TBC1D5: variants seen among roughly 807,000 people sequenced by gnomAD.
The protein encoded by TBC1D5 is TBC1 domain family member 5, also known as TBC1 domain family, member 5.
In TBC1D5, 75 loss-of-function variants were observed where a neutral mutation model predicts 100.3. That is an observed-to-expected ratio of 0.75 (90% CI 0.62 to 0.91). The LOEUF (loss-of-function observed/expected upper bound fraction) is 0.91, where lower values mean the gene tolerates loss of function less well. Among genes scored for constraint, TBC1D5 ranks in the 40% least tolerant of loss-of-function variants. The probability of loss-of-function intolerance (pLI) is 0.00; values close to 1 mark genes in which losing one functional copy is unlikely to be tolerated. For missense variants in TBC1D5, 910 were observed against 942.4 expected (o/e 0.97, Z 0.45); for synonymous variants, 323 against 325.6 (o/e 0.99, Z 0.09).
chr3:17,374,097 G>C (rs1575580605), intron 12 of TBC1D5, among the ~76,000 whole-genome samples: 1 of 152,058 alleles, frequency 6.6e-6, no homozygotes, highest in Non-Finnish European at 1.5e-5. Context: ...GAATTCAATA[G>C]CAACGCACTG....
At chr3:17,330,786 T>C (rs930466621) in intron 13 of TBC1D5, among the ~76,000 whole-genome samples, 2 of 152,166 alleles carry the variant, frequency 1.3e-5, no homozygotes, top group Non-Finnish European at 2.9e-5. Context: ...CTACAAGCAG[T>C]TGACACTCAA....
At chr3:17,672,630 G>C (rs1308006737) in intron 1 of TBC1D5, 1 of 152,142 alleles carries the variant, frequency 6.6e-6, no homozygotes, top group East Asian at 1.9e-4. Context: ...AGGAGTCAGA[G>C]GACATCTGTT....
intron 17 of TBC1D5, among the ~76,000 whole-genome samples, chr3:17,218,658 A>G (rs2073925637): frequency 6.6e-6 from 1 of 151,840 alleles, no homozygotes; most frequent in African/African-American, 2.4e-5. Flanking sequence ...TTCCTTTTTG[A>G]AGGATAGTTT....
intron 1 of TBC1D5, among the ~76,000 whole-genome samples, chr3:17,674,324 T>C (rs989921102): frequency 6.6e-6 from 1 of 152,184 alleles, no homozygotes; most frequent in Non-Finnish European, 1.5e-5. Context: ...AATTTGTACA[T>C]GAAAACAAAA....
At chr3:17,697,769 T>C (rs934990166) in intron 1 of TBC1D5, among the ~76,000 whole-genome samples, 4 of 151,472 alleles carry the variant, frequency 2.6e-5, no homozygotes, top group Admixed American at 6.6e-5. Flanking sequence ...AAAGTTCATG[T>C]GGAACCAAAA....
chr3:17,208,869 C>T (rs1296364020), intron 18 of TBC1D5, among the ~76,000 whole-genome samples: 4 of 152,178 alleles, frequency 2.6e-5, no homozygotes, highest in Non-Finnish European at 5.9e-5. Flanking sequence ...GTTCTTTGTA[C>T]AGGCAGATCA....
At chr3:17,547,131 A>C (rs1240666767) in intron 2 of TBC1D5, 2 of 152,252 alleles carry the variant, frequency 1.3e-5, no homozygotes, top group African/African-American at 4.8e-5. Flanking sequence ...GAATACAGTA[A>C]TTGATACAAG....
intron 19 of TBC1D5, among the ~76,000 whole-genome samples, chr3:17,170,280 C>CA (rs1377198350): frequency 1.3e-5 from 2 of 152,188 alleles, no homozygotes; most frequent in African/African-American, 4.8e-5. Context: ...CCAGCTCCCA[C>CA]TGGGTAGGTG....
Position 17,258,882 on chromosome 3 carries a change from A to G in TBC1D5, c.1246-291T>C, listed in dbSNP as rs572562067. The stretch of plus-strand genomic sequence containing the variant: ...ACTTTCCTAAAATATGATGAATAAA[A>G]TTATAATAACATCTAAAAACTATAT... On this transcript the variant is annotated intron_variant, in intron 15 of 21. Transcript: ENST00000253692. Among the ~76,000 whole-genome samples, 330 of 152,310 alleles carry G rather than the reference A, an allele frequency of 2.2e-3. 2 individuals are homozygous for G. Among genetic ancestry groups the G allele is most frequent in the Non-Finnish European group, 4.1e-3 (279 of 68,010 alleles).
At chr3:17,450,547 G>A (rs748001238) in intron 3 of TBC1D5, among the ~76,000 whole-genome samples, 12 of 152,060 alleles carry the variant, frequency 7.9e-5, no homozygotes, top group African/African-American at 1.2e-4. Flanking sequence ...TAAATGACCC[G>A]ATAGAGCTAA....
At chr3:17,237,846 T>G (rs1484243319) in intron 17 of TBC1D5, among the ~76,000 whole-genome samples, 1 of 152,202 alleles carries the variant, frequency 6.6e-6, no homozygotes, top group Admixed American at 6.5e-5. Flanking sequence ...TGAGAAGCAT[T>G]ACTATACAAA....
chr3:17,732,781 T>C (rs2153988531), intron 1 of TBC1D5, among the ~76,000 whole-genome samples: 1 of 151,240 alleles, frequency 6.6e-6, no homozygotes, highest in South Asian at 2.1e-4. Context: ...TCTGACCGTT[T>C]GTCTTTATGA....
At chr3:17,468,288 C>T (rs890667958) in intron 3 of TBC1D5, among the ~76,000 whole-genome samples, 4 of 152,170 alleles carry the variant, frequency 2.6e-5, no homozygotes, top group Admixed American at 2.0e-4. Flanking sequence ...GCAGCTCTTA[C>T]CCTAGGACCT....
chr3:17,485,027 T>C (rs2095545120), intron 3 of TBC1D5, among the ~76,000 whole-genome samples: 1 of 152,086 alleles, frequency 6.6e-6, no homozygotes, highest in South Asian at 2.1e-4. Flanking sequence ...AAGATGAAAA[T>C]TATATTAGAG....
chr3:17,657,934 T>C (rs1234985886), intron 1 of TBC1D5, among the ~76,000 whole-genome samples: 1 of 152,222 alleles, frequency 6.6e-6, no homozygotes, highest in Non-Finnish European at 1.5e-5. Flanking sequence ...TTTCAGTCAA[T>C]GTCAGATCAC....
intron 13 of TBC1D5, among the ~76,000 whole-genome samples, chr3:17,362,001 C>T (rs189141613): frequency 1.4e-3 from 217 of 152,126 alleles, no homozygotes; most frequent in Non-Finnish European, 2.6e-3. Context: ...CCAGACAAAA[C>T]TAACTGATCT....
At chr3:17,206,137 G>C (rs138595610) in intron 18 of TBC1D5, among the ~76,000 whole-genome samples, 1 of 152,174 alleles carries the variant, frequency 6.6e-6, no homozygotes, top group Admixed American at 6.5e-5. Flanking sequence ...TTTCCTAAGG[G>C]AAAATAACGT....
At chr3:17,318,785 T>C (rs1231345120) in intron 13 of TBC1D5, among the ~76,000 whole-genome samples, 1 of 152,244 alleles carries the variant, frequency 6.6e-6, no homozygotes, top group African/African-American at 2.4e-5. Flanking sequence ...GGATTCGGAA[T>C]GCATAGTATC....
intron 16 of TBC1D5, among the ~76,000 whole-genome samples, chr3:17,241,815 C>T (rs1347514618): frequency 6.6e-6 from 1 of 152,128 alleles, no homozygotes; most frequent in East Asian, 1.9e-4. Flanking sequence ...CATCATACTG[C>T]ATGGGCATCT....
Sources: gnomAD v4.1 joint callset for allele counts (sites outside exome capture counted in the v4.1 genomes callset) on GRCh38, gnomAD v4.1.1 for gene constraint, MANE v1.5 for transcripts, NCBI Gene and HGNC (gene_info 2026-07-23, HGNC 2026-07-21) for gene names.